The following KLHL4 variants were observed in gnomAD, a reference collection of about 807,000 sequenced individuals.
The protein encoded by KLHL4 is kelch like family member 4, also known as kelch-like protein 4.
Under a neutral mutation model 45.8 loss-of-function variants are expected in KLHL4, and 17 were observed. The observed-to-expected ratio is 0.37, with a 90% CI of 0.25 to 0.56. The LOEUF (loss-of-function observed/expected upper bound fraction) is 0.56, where lower values mean the gene tolerates loss of function less well. Among genes scored for constraint, KLHL4 ranks in the 20% least tolerant of loss-of-function variants. The pLI, the probability that KLHL4 is intolerant of heterozygous loss-of-function variation, is 0.79. For missense variants in KLHL4, 544 were observed against 544.9 expected (o/e 1.00, Z 0.02); for synonymous variants, 224 against 189.9 (o/e 1.18, Z -1.47).
chrX:87,551,812 CT>C (rs1455635617), intron 1 of KLHL4, among the ~76,000 whole-genome samples: 1 of 111,497 alleles, frequency 9.0e-6, no homozygotes, highest in Non-Finnish European at 1.9e-5. Context: ...AAGGGACACC[CT>C]TTTCAACAAA....
At chrX:87,518,355 A>G in intron 1 of KLHL4, 40 bp downstream of exon 1, 1 of 1,028,821 alleles carries the variant, frequency 9.7e-7, no homozygotes, top group Non-Finnish European at 1.3e-6. Flanking sequence ...CCGTAACTTC[A>G]GTTAACTTAT....
At chrX:87,597,617 T>C (rs1569349887) in intron 1 of KLHL4, among the ~76,000 whole-genome samples, 1 of 111,747 alleles carries the variant, frequency 8.9e-6, no homozygotes, top group Admixed American at 9.6e-5. Context: ...TATTAGATAG[T>C]GGTTACTTCA....
At chrX:87,640,278 A>G (rs1400300388) in intron 9 of KLHL4, among the ~76,000 whole-genome samples, 1 of 111,930 alleles carries the variant, frequency 8.9e-6, no homozygotes. Context: ...AAGAATTGGT[A>G]CCAATGATAC....
chrX:87,545,726 T>C (rs1931664391), intron 1 of KLHL4, among the ~76,000 whole-genome samples: 1 of 111,789 alleles, frequency 8.9e-6, no homozygotes, highest in Non-Finnish European at 1.9e-5. Context: ...TTTGGAGGGC[T>C]CAGAAGAAGA....
chrX:87,598,111 T>C (rs1921896818), intron 1 of KLHL4, among the ~76,000 whole-genome samples: 1 of 110,804 alleles, frequency 9.0e-6, no homozygotes, highest in Non-Finnish European at 1.9e-5. Flanking sequence ...ATTCATACCC[T>C]AGCCTAGTAG....
At position 87,535,417 on chromosome X, in the gene KLHL4, A is replaced by G. The variant is rs1040925640; in HGVS notation, c.422+17102A>G. Among the ~76,000 whole-genome samples, 5 of 112,280 alleles carry G rather than the reference A, an allele frequency of 4.5e-5. No homozygotes were observed. The East Asian group carries it at 1.1e-3, about 25-fold the overall frequency. On this transcript the variant is annotated intron_variant, in intron 1 of 10. Transcript: ENST00000373119. The stretch of plus-strand genomic sequence containing the variant: ...TATTTGGAGTTAAATATGTGATACA[A>G]TTGTGACACTTTAAATCCTATAACT...
intron 1 of KLHL4, among the ~76,000 whole-genome samples, chrX:87,598,780 A>C (rs746581940): frequency 4.1e-4 from 46 of 111,459 alleles, no homozygotes; most frequent in Admixed American, 6.7e-4. Flanking sequence ...GATGTTAAAA[A>C]AATCTATGAC....
At chrX:87,650,981 A>C (rs1923797660) in intron 9 of KLHL4, among the ~76,000 whole-genome samples, 1 of 111,952 alleles carries the variant, frequency 8.9e-6, no homozygotes, top group African/African-American at 3.2e-5. Flanking sequence ...ACTGCACTGC[A>C]CATGTATTCA....
At chrX:87,602,266 G>A (rs1220481575) in intron 1 of KLHL4, among the ~76,000 whole-genome samples, 1 of 110,597 alleles carries the variant, frequency 9.0e-6, no homozygotes, top group Non-Finnish European at 1.9e-5. Context: ...TATTATTAAA[G>A]ATAAATTTTA....
intron 1 of KLHL4, among the ~76,000 whole-genome samples, chrX:87,552,419 G>T (rs1311493577): frequency 9.1e-6 from 1 of 109,795 alleles, no homozygotes; most frequent in East Asian, 2.8e-4. Context: ...TGGCATTGAT[G>T]TGGTGATCAG....
intron 1 of KLHL4, among the ~76,000 whole-genome samples, chrX:87,591,527 C>T (rs73511916): frequency 1.8e-3 from 203 of 111,162 alleles, no homozygotes; most frequent in African/African-American, 6.3e-3. Context: ...AGTTGTTTGG[C>T]TCCTTGTATA....
At chrX:87,609,960 A>G (rs1922319798) in intron 1 of KLHL4, among the ~76,000 whole-genome samples, 1 of 111,813 alleles carries the variant, frequency 8.9e-6, no homozygotes, top group Admixed American at 9.5e-5. Flanking sequence ...AACAGCTACC[A>G]CTAGATCCCA....
chrX:87,543,536 C>T lies in KLHL4; in HGVS notation c.422+25221C>T, dbSNP rs1202154234. Reference sequence around the variant, plus strand: ...AGCAGTGGTAGCATGGTGCAGAGAGCTTCTCTGGGTGCTGGGGGAGGGAGA... The same window carrying T: ...AGCAGTGGTAGCATGGTGCAGAGAGTTTCTCTGGGTGCTGGGGGAGGGAGA... On this transcript the variant is annotated intron_variant, in intron 1 of 10. Coordinates refer to ENST00000373119, the MANE Select transcript of KLHL4 (RefSeq NM_019117.5). Among the ~76,000 whole-genome samples the T allele has an allele frequency of 5.4e-5, 6 of 111,264 alleles. No individual in the cohort carries two copies. The Admixed American group carries it at 5.7e-4, about 11-fold the overall frequency.
intron 1 of KLHL4, among the ~76,000 whole-genome samples, chrX:87,537,452 T>C (rs1931456291): frequency 9.0e-6 from 1 of 111,092 alleles, no homozygotes; most frequent in Admixed American, 9.7e-5. Context: ...AATGATTCGA[T>C]GACAGTCACC....
In KLHL4 at chrX:87,534,501, A is replaced by G. The variant is rs190119128; in HGVS notation, c.422+16186A>G. ...AAGAAATCTAAGACTTGAATCTGTG[A>G]CTTACAAGTTCCCTCATGTTGACCA... On this transcript the variant is annotated intron_variant, in intron 1 of 10. Transcript: ENST00000373119. 8.6e-4 allele frequency among the ~76,000 whole-genome samples: 96 copies of G among 111,532 alleles called. 1 individual carries two copies. The highest frequency in any genetic ancestry group is 7.5e-3 in the South Asian group (20 of 2,664).
chrX:87,553,296 A>G (rs1480273720), intron 1 of KLHL4, among the ~76,000 whole-genome samples: 1 of 111,025 alleles, frequency 9.0e-6, no homozygotes, highest in Non-Finnish European at 1.9e-5. Context: ...TACAATTATC[A>G]TACTTTGACT....
At chrX:87,620,382 A>G (rs1922710701) in intron 4 of KLHL4, among the ~76,000 whole-genome samples, 1 of 111,916 alleles carries the variant, frequency 8.9e-6, no homozygotes, top group Non-Finnish European at 1.9e-5. Context: ...AATGTAATAT[A>G]TAGATACTTT....
intron 1 of KLHL4, among the ~76,000 whole-genome samples, chrX:87,596,160 C>T (rs1270910315): frequency 8.9e-6 from 1 of 111,804 alleles, no homozygotes; most frequent in Non-Finnish European, 1.9e-5. Context: ...TCCCCAGAAG[C>T]AGACCAGATG....
intron 1 of KLHL4, among the ~76,000 whole-genome samples, chrX:87,570,881 G>A (rs771600747): frequency 6.3e-5 from 7 of 110,566 alleles, no homozygotes; most frequent in Non-Finnish European, 1.3e-4. Context: ...TTGGCAGTAT[G>A]TCAGGAAAGA....
Sources: allele counts gnomAD v4.1 joint callset (sites outside exome capture counted in the v4.1 genomes callset), GRCh38; gene constraint gnomAD v4.1.1; transcripts MANE v1.5; gene names NCBI Gene and HGNC (gene_info 2026-07-23, HGNC 2026-07-21).